The following PCDH15 variants were observed in gnomAD, a reference collection of about 807,000 sequenced individuals.
PCDH15 encodes protocadherin related 15.
In PCDH15, 129 loss-of-function variants were observed where a neutral mutation model predicts 178.5. The observed-to-expected ratio is 0.72, with a 90% CI of 0.63 to 0.84. PCDH15 has a LOEUF of 0.84. PCDH15 is among the 40% of genes least tolerant of loss of function. The pLI is 0.00. For synonymous variants in PCDH15, 800 were observed against 732.0 expected (o/e 1.09, Z -1.50); for missense variants, 2,230 against 2,099.9 (o/e 1.06, Z -1.21).
chr10:55,434,911 T>G (rs1839003581), intron 2 of PCDH15, among the ~76,000 whole-genome samples: 1 of 152,160 alleles, frequency 6.6e-6, no homozygotes. Context: ...CCTGATGTTA[T>G]AATATTTAAA....
intron 2 of PCDH15, among the ~76,000 whole-genome samples, chr10:55,574,390 A>G (rs1842460058): frequency 6.6e-6 from 1 of 152,038 alleles, no homozygotes; most frequent in Non-Finnish European, 1.5e-5. Flanking sequence ...AGATCTTAGT[A>G]TCCTAACCTC....
intron 3 of PCDH15, among the ~76,000 whole-genome samples, chr10:54,861,487 A>T (rs1240035799): frequency 6.6e-6 from 1 of 152,200 alleles, no homozygotes; most frequent in Non-Finnish European, 1.5e-5. Flanking sequence ...AGATTTCCTA[A>T]GAAAAAAGAC....
At chr10:54,167,253 C>G (rs535077184) in intron 13 of PCDH15, among the ~76,000 whole-genome samples, 37 of 152,288 alleles carry the variant, frequency 2.4e-4, no homozygotes, top group African/African-American at 8.7e-4. Flanking sequence ...GCCCAAGGAA[C>G]ATCTCACCAA....
At chr10:55,606,053 G>T (rs1843208030) in intron 2 of PCDH15, among the ~76,000 whole-genome samples, 1 of 82,826 alleles carries the variant, frequency 1.2e-5, no homozygotes, top group Non-Finnish European at 2.3e-5. Context: ...CAAAGTCTCA[G>T]GATACAAAAT....
intron 2 of PCDH15, among the ~76,000 whole-genome samples, chr10:55,435,043 T>C (rs1315388258): frequency 6.6e-6 from 1 of 152,194 alleles, no homozygotes; most frequent in African/African-American, 2.4e-5. Context: ...GAGGGAAAGA[T>C]TGGCTGAGGC....
chr10:53,987,402 G>A (rs2255310), intron 21 of PCDH15, among the ~76,000 whole-genome samples: 3,320 of 152,202 alleles, frequency 0.022, 107 homozygotes, highest in African/African-American at 0.075. Flanking sequence ...AGCAAATGCA[G>A]AGCTTAAGAG....
chr10:55,210,412 G>A (rs1167415608), intron 1 of PCDH15, among the ~76,000 whole-genome samples: 1 of 151,618 alleles, frequency 6.6e-6, no homozygotes, highest in Non-Finnish European at 1.5e-5. Context: ...AGTATTTGAG[G>A]AAAGTATAAG....
chr10:55,175,860 C>T (rs529143374), intron 1 of PCDH15, among the ~76,000 whole-genome samples: 24 of 151,984 alleles, frequency 1.6e-4, no homozygotes, highest in African/African-American at 5.8e-4. Context: ...CTGAGATGTA[C>T]CTCTTAACTG....
chr10:54,773,865 A>T (rs1278459482), intron 1 of PCDH15, among the ~76,000 whole-genome samples: 1 of 152,136 alleles, frequency 6.6e-6, no homozygotes, highest in East Asian at 1.9e-4. Context: ...AGCATCATAC[A>T]ATAAAAATGA....
At chr10:54,410,063 A>G (rs1953265505) in intron 3 of PCDH15, among the ~76,000 whole-genome samples, 1 of 152,218 alleles carries the variant, frequency 6.6e-6, no homozygotes, top group Admixed American at 6.6e-5. Flanking sequence ...ATACCTTGTG[A>G]GAACCTCACA....
rs1170998535 is a variant in PCDH15 at position 53,829,067 on chromosome 10, A to G, written c.4203-494T>C. Among the ~76,000 whole-genome samples, 7 of 152,164 alleles carry G rather than the reference A, an allele frequency of 4.6e-5. No individual in the cohort carries two copies. In the East Asian group the frequency reaches 1.2e-3, roughly 25 times the overall value. On this transcript the variant is annotated intron_variant, in intron 30 of 37. Coordinates refer to ENST00000644397, the MANE Select transcript of PCDH15 (RefSeq NM_001384140.1). ...GACAGTTTTTACATATTTGCTTTTTAGTTTCCATTCATAGAAAAGTTCAAA... is the reference window on the plus strand; with the variant it reads ...GACAGTTTTTACATATTTGCTTTTTGGTTTCCATTCATAGAAAAGTTCAAA...
intron 10 of PCDH15, among the ~76,000 whole-genome samples, chr10:54,200,596 C>T (rs2050136472): frequency 6.6e-6 from 1 of 152,138 alleles, no homozygotes; most frequent in Non-Finnish European, 1.5e-5. Context: ...CACTCAAAGC[C>T]AGCTGCTTTT....
chr10:53,852,270 T>C (rs1179333778), intron 28 of PCDH15, among the ~76,000 whole-genome samples: 1 of 152,056 alleles, frequency 6.6e-6, no homozygotes, highest in Non-Finnish European at 1.5e-5. Context: ...GTTTCTCCTA[T>C]ACCTTAATTT....
At chr10:54,527,544 T>C (rs1473985920) in intron 3 of PCDH15, among the ~76,000 whole-genome samples, 3 of 152,166 alleles carry the variant, frequency 2.0e-5, no homozygotes, top group Non-Finnish European at 4.4e-5. Flanking sequence ...CATATCTGGA[T>C]GCATTCTTGA....
At chr10:55,357,847 C>T (rs1845118795) in intron 2 of PCDH15, among the ~76,000 whole-genome samples, 1 of 151,868 alleles carries the variant, frequency 6.6e-6, no homozygotes, top group African/African-American at 2.4e-5. Flanking sequence ...TTCTACTGCC[C>T]CCATACATTT....
chr10:54,047,248 C>T (rs764297297), intron 18 of PCDH15, among the ~76,000 whole-genome samples: 11 of 151,892 alleles, frequency 7.2e-5, no homozygotes, highest in Non-Finnish European at 1.2e-4. Flanking sequence ...GTAGTTTTTA[C>T]GCCTGGGAAA....
intron 3 of PCDH15, among the ~76,000 whole-genome samples, chr10:54,519,207 G>T (rs2082570063): frequency 6.6e-6 from 1 of 152,168 alleles, no homozygotes; most frequent in Non-Finnish European, 1.5e-5. Context: ...GGAAGTTCTG[G>T]CCAGGGCAAT....
chr10:54,439,460 T>G (rs2075656942), intron 3 of PCDH15, among the ~76,000 whole-genome samples: 1 of 152,088 alleles, frequency 6.6e-6, no homozygotes, highest in Non-Finnish European at 1.5e-5. Flanking sequence ...AAGAGTTTTC[T>G]TATGTGTGCT....
At chr10:54,895,443 CAA>C (rs1954529491) in intron 3 of PCDH15, among the ~76,000 whole-genome samples, 1 of 152,264 alleles carries the variant, frequency 6.6e-6, no homozygotes, top group South Asian at 2.1e-4. Flanking sequence ...ACCTCAAAGA[CAA>C]GAGATAAGTT....
Sources: allele counts gnomAD v4.1 joint callset (sites outside exome capture counted in the v4.1 genomes callset), GRCh38; gene constraint gnomAD v4.1.1; transcripts MANE v1.5; gene names NCBI Gene and HGNC (gene_info 2026-07-23, HGNC 2026-07-21).